Variants in SLC2A9 observed in about 807,000 individuals in gnomAD.
The protein encoded by SLC2A9 is solute carrier family 2 member 9.
A neutral mutation model predicts 50.6 loss-of-function variants in SLC2A9; 39 were observed. The observed-to-expected ratio is 0.77, with a 90% CI of 0.60 to 1.01. The LOEUF is 1.01. Ranked by LOEUF, SLC2A9 falls within the 50% of genes least tolerant of loss-of-function variation. SLC2A9 has a pLI of 0.00. For missense variants in SLC2A9, 686 were observed against 677.6 expected, an observed-to-expected ratio of 1.01 and a Z score of -0.14; for synonymous variants, 324 against 276.9, an observed-to-expected ratio of 1.17 and a Z score of -1.69.
chr4:9,777,438 C>T (rs1049042011), downstream of SLC2A9, among the ~76,000 whole-genome samples: 2 of 152,070 alleles, frequency 1.3e-5, no homozygotes, highest in Non-Finnish European at 1.5e-5. Flanking sequence ...AAAACCCACC[C>T]TATCTGTCAC....
intron 5 of SLC2A9, among the ~76,000 whole-genome samples, chr4:9,969,126 C>A (rs1343603133): frequency 3.3e-5 from 5 of 152,028 alleles, no homozygotes; most frequent in Admixed American, 3.3e-4. Context: ...TCTCTCTCAT[C>A]TTGTAGAGAT....
At chr4:9,852,095 G>T (rs990646095) in intron 10 of SLC2A9, among the ~76,000 whole-genome samples, 3 of 152,210 alleles carry the variant, frequency 2.0e-5, no homozygotes, top group Admixed American at 2.0e-4. Flanking sequence ...TAGTCCGTCA[G>T]ATTCTCCAAG....
chr4:9,772,246 G>T (rs1378551914), intron 1 of SLC2A9, among the ~76,000 whole-genome samples: 1 of 152,158 alleles, frequency 6.6e-6, no homozygotes, highest in Non-Finnish European at 1.5e-5. Flanking sequence ...ATTAGGAGGT[G>T]GCACTGGGGA....
chr4:9,965,262 G>A (rs1752884273), intron 5 of SLC2A9, among the ~76,000 whole-genome samples: 1 of 152,194 alleles, frequency 6.6e-6, no homozygotes, highest in Non-Finnish European at 1.5e-5. Context: ...GGGCACGAGG[G>A]CCCAGGTGCC....
chr4:10,033,919 C>T (rs950471081), intron 1 of SLC2A9, among the ~76,000 whole-genome samples: 5 of 152,216 alleles, frequency 3.3e-5, no homozygotes, highest in Admixed American at 1.3e-4. Flanking sequence ...GCCCTTCTGC[C>T]CTGCAGAGCT....
intron 9 of SLC2A9, 73 bp from the exon 10 acceptor site, chr4:9,887,715 T>C: frequency 8.3e-7 from 1 of 1,210,414 alleles, no homozygotes; most frequent in African/African-American, 1.6e-5. Context: ...CCACCCCAGC[T>C]CCTCCTCCAT....
chr4:9,880,274 GC>G, intron 10 of SLC2A9: 2 of 985,480 alleles, frequency 2.0e-6, no homozygotes, highest in Non-Finnish European at 1.2e-6. Context: ...CCATCTTGTG[GC>G]TAAAGTCATT....
downstream of SLC2A9, among the ~76,000 whole-genome samples, chr4:9,778,770 A>G (rs528814973): frequency 7.2e-5 from 11 of 151,972 alleles, no homozygotes; most frequent in African/African-American, 2.2e-4. Context: ...GGTTCAGAAC[A>G]CTCATGCATT....
chr4:10,003,323 G>C (rs754394491), intron 2 of SLC2A9, among the ~76,000 whole-genome samples: 11 of 152,212 alleles, frequency 7.2e-5, no homozygotes, highest in Non-Finnish European at 1.5e-4. Context: ...AAAGGATGCT[G>C]ATTGGGAGGA....
chr4:9,840,727 A>G (rs955445590), intron 10 of SLC2A9, among the ~76,000 whole-genome samples: 3 of 152,164 alleles, frequency 2.0e-5, no homozygotes, highest in Admixed American at 1.3e-4. Flanking sequence ...GAAATTCATT[A>G]ACTATGATGT....
intron 5 of SLC2A9, among the ~76,000 whole-genome samples, chr4:9,971,939 G>A (rs1162961356): frequency 6.6e-6 from 1 of 152,206 alleles, no homozygotes; most frequent in African/African-American, 2.4e-5. Flanking sequence ...TTGGACTGAT[G>A]CCACCCTTGT....
intron 10 of SLC2A9, among the ~76,000 whole-genome samples, chr4:9,835,423 C>T (rs1457932636): frequency 2.0e-5 from 3 of 151,992 alleles, no homozygotes; most frequent in African/African-American, 7.3e-5. Flanking sequence ...CTTGAACCTC[C>T]CCATCTCCAG....
intron 5 of SLC2A9, among the ~76,000 whole-genome samples, chr4:9,974,462 C>A (rs901093631): frequency 6.6e-6 from 1 of 151,476 alleles, no homozygotes; most frequent in South Asian, 2.1e-4. Context: ...TTTCTATACA[C>A]CAATAATGTT....
At position 10,038,756 on chromosome 4, in the gene SLC2A9, A is replaced by ACAAGGAGT. The variant is rs1398321802; in HGVS notation, c.-41+1373_-41+1374insACTCCTTG. Among the ~76,000 whole-genome samples, 16 of 152,160 alleles carry ACAAGGAGT rather than the reference A, an allele frequency of 1.1e-4. No individual in the cohort carries two copies. The South Asian group carries it at 2.9e-3, about 28-fold the overall frequency. On this transcript the variant is annotated intron_variant, in intron 1 of 12. Transcript: ENST00000309065. ...GCATGTCTGCTTCACATCCCGGGAG[A>ACAAGGAGT]GCCTCGGACGGCAAGCTAAGGATCC...
chr4:9,803,090 C>T (rs906017745), intron 3 of SLC2A9, among the ~76,000 whole-genome samples: 1 of 152,212 alleles, frequency 6.6e-6, no homozygotes, highest in African/African-American at 2.4e-5. Flanking sequence ...TGGACCTGGG[C>T]CTGACTTTGG....
intron 6 of SLC2A9, among the ~76,000 whole-genome samples, chr4:9,933,667 C>A (rs913466943): frequency 6.6e-6 from 1 of 152,224 alleles, no homozygotes; most frequent in Non-Finnish European, 1.5e-5. Context: ...CTTCCTCTTG[C>A]TGCTACAGCA....
At chr4:9,963,370 C>T (rs1752574227) in intron 5 of SLC2A9, among the ~76,000 whole-genome samples, 1 of 152,154 alleles carries the variant, frequency 6.6e-6, no homozygotes, top group South Asian at 2.1e-4. Flanking sequence ...ATTCACTAAT[C>T]AGGGTCTTCT....
At chr4:9,778,073 C>T (rs1320800761), downstream of SLC2A9, among the ~76,000 whole-genome samples, 1 of 144,880 alleles carries the variant, frequency 6.9e-6, no homozygotes, top group Non-Finnish European at 1.5e-5. Context: ...TCCTTCCTTC[C>T]TTCCTTCCTT....
chr4:9,870,684 A>G (rs935225619), intron 10 of SLC2A9, among the ~76,000 whole-genome samples: 2 of 152,198 alleles, frequency 1.3e-5, no homozygotes, highest in Non-Finnish European at 2.9e-5. Context: ...CTAAAACCGA[A>G]CATGTGAAAA....
Sources: allele counts gnomAD v4.1 joint callset (sites outside exome capture counted in the v4.1 genomes callset), GRCh38; gene constraint gnomAD v4.1.1; transcripts MANE v1.5; gene names NCBI Gene and HGNC (gene_info 2026-07-23, HGNC 2026-07-21).